GABRG3: variants seen among roughly 807,000 people sequenced by gnomAD.
The protein encoded by GABRG3 is gamma-aminobutyric acid type A receptor subunit gamma3, also known as gamma-aminobutyric acid receptor subunit gamma-3.
GABRG3 carries 25 observed loss-of-function variants against 48.8 expected under a neutral mutation model. The ratio of observed to expected loss-of-function variants is 0.51; its 90% CI spans 0.37 to 0.72. The LOEUF is 0.72. Among genes scored for constraint, GABRG3 ranks in the 30% least tolerant of loss-of-function variants. The pLI is 0.00. For missense variants in GABRG3, 394 were observed against 577.9 expected (o/e 0.68, Z 3.26); for synonymous variants, 227 against 217.6 (o/e 1.04, Z -0.38).
intron 3 of GABRG3, among the ~76,000 whole-genome samples, chr15:27,318,976 G>A (rs1380946046): frequency 6.6e-6 from 1 of 152,186 alleles, no homozygotes; most frequent in Non-Finnish European, 1.5e-5. Flanking sequence ...GGAGCCTATA[G>A]ATAATACTGT....
chr15:27,359,580 T>G (rs1459832221), intron 5 of GABRG3, among the ~76,000 whole-genome samples: 2 of 152,202 alleles, frequency 1.3e-5, no homozygotes, highest in Non-Finnish European at 2.9e-5. Context: ...AAACAAACAT[T>G]GGCAATCTAG....
At chr15:27,199,899 C>T (rs1394055010) in intron 3 of GABRG3, among the ~76,000 whole-genome samples, 1 of 149,688 alleles carries the variant, frequency 6.7e-6, no homozygotes, top group Non-Finnish European at 1.5e-5. Flanking sequence ...CTGCTTCCTT[C>T]CTTCCCTCTT....
intron 5 of GABRG3, among the ~76,000 whole-genome samples, chr15:27,329,146 C>T (rs922012495): frequency 6.6e-6 from 1 of 152,122 alleles, no homozygotes; most frequent in Non-Finnish European, 1.5e-5. Context: ...AACTGATGAA[C>T]CATTGATTTA....
intron 3 of GABRG3, among the ~76,000 whole-genome samples, chr15:27,238,933 A>ATT (rs894036274): frequency 2.0e-5 from 3 of 152,208 alleles, no homozygotes; most frequent in African/African-American, 7.2e-5. Flanking sequence ...CAAACAAAAT[A>ATT]AACAAACAGA....
chr15:27,127,856 A>C (rs920408151), intron 3 of GABRG3, among the ~76,000 whole-genome samples: 1 of 152,178 alleles, frequency 6.6e-6, no homozygotes, highest in Admixed American at 6.5e-5. Flanking sequence ...CGGCAGTAAG[A>C]ATAGAGACCC....
intron 5 of GABRG3, among the ~76,000 whole-genome samples, chr15:27,357,615 A>G (rs986825974): frequency 2.2e-4 from 33 of 152,332 alleles, no homozygotes; most frequent in African/African-American, 7.9e-4. Context: ...GGACAGTGAC[A>G]TTGTTTTACA....
At chr15:27,374,095 TCAATCTGA>T (rs776774186) in intron 5 of GABRG3, among the ~76,000 whole-genome samples, 42 of 151,766 alleles carry the variant, frequency 2.8e-4, no homozygotes, top group Non-Finnish European at 7.4e-5. Context: ...CAAAAGGAGT[TCAATCTGA>T]TGTATCCTAG....
intron 5 of GABRG3, among the ~76,000 whole-genome samples, chr15:27,464,556 G>T (rs1312057192): frequency 1.3e-5 from 2 of 152,176 alleles, no homozygotes; most frequent in Non-Finnish European, 2.9e-5. Context: ...GCTTTCCAAA[G>T]TGGCTTCACC....
intron 5 of GABRG3, among the ~76,000 whole-genome samples, chr15:27,415,789 G>C (rs1333944509): frequency 6.6e-6 from 1 of 152,212 alleles, no homozygotes; most frequent in African/African-American, 2.4e-5. Context: ...CCAAAAGAAA[G>C]ATTAAGCTGG....
At position 26,971,585 on chromosome 15, in the gene GABRG3, C is replaced by A; in HGVS notation, c.50C>A (p.Ala17Glu). 6.5e-7 allele frequency: 1 copy of A among 1,528,510 alleles called. No individual in the cohort carries two copies. The highest frequency in any genetic ancestry group is 8.8e-7 in the Non-Finnish European group (1 of 1,138,600). The allele number at this position is 1,528,510 out of a possible 1,614,324, so 94.7% of individuals were successfully genotyped here. A position where few individuals can be genotyped will look rare whatever the true frequency, so the allele number is the denominator to read the frequency against. The change falls in exon 1 of 10, where the codon GCG becomes GAG. Residue 17 changes from alanine to glutamate, a missense_variant. Around this residue, in one of 3 missense-constraint regions of GABRG3, gnomAD observed 218 missense variants for 309.9 expected, o/e 0.70. Transcript: ENST00000615808. ...LLLCLFSGLH[A>E]RSRKVEEDEY... ...CTCTGCCTGTTCTCGGGCTTGCACG[C>A]GCGGTAAGTGGCGCGGGGGCCGCAT...
At chr15:27,346,114 G>A (rs1405988195) in intron 5 of GABRG3, among the ~76,000 whole-genome samples, 5 of 64,324 alleles carry the variant, frequency 7.8e-5, no homozygotes, top group African/African-American at 2.3e-4. Flanking sequence ...AAAGAGAAAG[G>A]AAAGAAAGAG....
chr15:27,165,881 A>T (rs904795135), intron 3 of GABRG3, among the ~76,000 whole-genome samples: 1 of 152,050 alleles, frequency 6.6e-6, no homozygotes, highest in African/African-American at 2.4e-5. Context: ...CAACCTCAGT[A>T]TTGGAGGAGT....
chr15:27,446,741 G>A (rs1304333311), intron 5 of GABRG3, among the ~76,000 whole-genome samples: 1 of 152,086 alleles, frequency 6.6e-6, no homozygotes, highest in Non-Finnish European at 1.5e-5. Flanking sequence ...TTGGACAGGT[G>A]TGCTCAAGTA....
chr15:27,306,616 CAT>C (rs1322562662), intron 3 of GABRG3, among the ~76,000 whole-genome samples: 2,989 of 120,354 alleles, frequency 0.025, 350 homozygotes, highest in African/African-American at 0.091. Flanking sequence ...TATATATAAA[CAT>C]ATATAATATA....
chr15:27,084,058 C>G (rs1366730596), intron 3 of GABRG3, among the ~76,000 whole-genome samples: 1 of 152,210 alleles, frequency 6.6e-6, no homozygotes, highest in Admixed American at 6.5e-5. Context: ...GGCCTCACCC[C>G]ACCTGAGAAC....
intron 2 of GABRG3, among the ~76,000 whole-genome samples, chr15:27,004,529 C>T (rs1047378783): frequency 2.6e-5 from 4 of 152,072 alleles, no homozygotes; most frequent in African/African-American, 9.7e-5. Context: ...AGACACTCCT[C>T]ACTTCCCAGA....
At chr15:27,277,595 A>G (rs1409267856) in intron 3 of GABRG3, among the ~76,000 whole-genome samples, 1 of 152,222 alleles carries the variant, frequency 6.6e-6, no homozygotes, top group African/African-American at 2.4e-5. Flanking sequence ...TAATTATATA[A>G]TGAGCTATTG....
At chr15:27,211,463 T>C (rs1889078419) in intron 3 of GABRG3, among the ~76,000 whole-genome samples, 1 of 152,226 alleles carries the variant, frequency 6.6e-6, no homozygotes, top group Non-Finnish European at 1.5e-5. Context: ...TTTAAATACT[T>C]CTAAATCAGA....
At chr15:27,338,657 G>T (rs1894060182) in intron 5 of GABRG3, among the ~76,000 whole-genome samples, 1 of 152,156 alleles carries the variant, frequency 6.6e-6, no homozygotes, top group Non-Finnish European at 1.5e-5. Context: ...GCGTTTCATG[G>T]TCAGCTTTGT....
Sources: gnomAD v4.1 joint callset for allele counts (sites outside exome capture counted in the v4.1 genomes callset) on GRCh38, gnomAD v4.1.1 for gene constraint, gnomAD v4.1.1 regional missense constraint, MANE v1.5 for transcripts, NCBI Gene and HGNC (gene_info 2026-07-23, HGNC 2026-07-21) for gene names.